The following TRIO variants were observed in gnomAD, a reference collection of about 807,000 sequenced individuals.
TRIO encodes triple functional domain protein.
In TRIO, 58 loss-of-function variants were observed where a neutral mutation model predicts 351.9. The observed-to-expected ratio is 0.16, with a 90% CI of 0.13 to 0.21. The LOEUF (loss-of-function observed/expected upper bound fraction) is 0.21, where lower values mean the gene tolerates loss of function less well. Among genes scored for constraint, TRIO ranks in the 10% least tolerant of loss-of-function variants. TRIO has a pLI of 1.00. For synonymous variants in TRIO, 1,758 were observed against 1,595.7 expected (o/e 1.10, Z -2.42); for missense variants, 3,201 against 4,027.8 (o/e 0.79, Z 5.56).
At chr5:14,372,676 C>T (rs1357525999) in intron 18 of TRIO, among the ~76,000 whole-genome samples, 1 of 152,138 alleles carries the variant, frequency 6.6e-6, no homozygotes, top group Non-Finnish European at 1.5e-5. Flanking sequence ...GCAACTTCTA[C>T]ATATGACTTT....
At chr5:14,277,449 TGCTG>T (rs1735633536) in intron 2 of TRIO, among the ~76,000 whole-genome samples, 1 of 152,250 alleles carries the variant, frequency 6.6e-6, no homozygotes, top group Non-Finnish European at 1.5e-5. Flanking sequence ...CATCCTGTGA[TGCTG>T]GCAGCATTTC....
At chr5:14,493,303 T>C (rs902301355) in intron 49 of TRIO, among the ~76,000 whole-genome samples, 5 of 152,106 alleles carry the variant, frequency 3.3e-5, no homozygotes, top group African/African-American at 9.7e-5. Flanking sequence ...TTTGAAGACA[T>C]TGCCTTTTTT....
In TRIO at chr5:14,488,201, C is replaced by T. The variant is rs1240842058; in HGVS notation, c.7573C>T (p.Arg2525Cys). Residue 2525 changes from arginine (R) to cysteine (C), a missense_variant, in exon 48 of 57, where the codon CGC (arginine) becomes TGC (cysteine). Arg to Cys is a radical substitution (Grantham distance 180). Around this residue, in one of 19 missense-constraint regions of TRIO, gnomAD observed 1,089 missense variants for 954.9 expected, o/e 1.14. Coordinates refer to ENST00000344204, the MANE Select transcript of TRIO (RefSeq NM_007118.4). ...RHAAPGKDTDRMSTCSSASEQ... is the reference protein window; with the variant it reads ...RHAAPGKDTDCMSTCSSASEQ... ...CGCGGCCCCTGGCAAGGATACTGAC[C>T]GCATGAGCACGTGCTCCTCGGCCAG... is the stretch of plus-strand genomic sequence containing the variant. 1.5e-5 allele frequency: 24 copies of T among 1,595,962 alleles called. No individual in the cohort carries two copies. Among genetic ancestry groups the T allele is most frequent in the Non-Finnish European group, 2.0e-5 (24 of 1,177,714 alleles).
chr5:14,245,762 T>A (rs1794401629), intron 1 of TRIO, among the ~76,000 whole-genome samples: 2 of 152,250 alleles, frequency 1.3e-5, no homozygotes, highest in African/African-American at 4.8e-5. Context: ...GCGTAGATAT[T>A]CTGGCCCGTG....
At chr5:14,465,182 A>G (rs1185076243) in intron 36 of TRIO, among the ~76,000 whole-genome samples, 1 of 152,132 alleles carries the variant, frequency 6.6e-6, no homozygotes, top group African/African-American at 2.4e-5. Context: ...GCTGTAGGTC[A>G]GATTCTCTAT....
intron 17 of TRIO, among the ~76,000 whole-genome samples, 176 bp from the exon 18 acceptor site, chr5:14,369,198 C>G (rs1330377851): frequency 6.6e-6 from 1 of 152,202 alleles, no homozygotes; most frequent in Non-Finnish European, 1.5e-5. Context: ...GAAAAGTCTG[C>G]CTGCTTTTGA....
intron 34 of TRIO, among the ~76,000 whole-genome samples, chr5:14,424,958 T>G (rs1750516331): frequency 6.6e-6 from 1 of 152,170 alleles, no homozygotes; most frequent in Non-Finnish European, 1.5e-5. Flanking sequence ...AAATCTGAAG[T>G]ATTCAGATTC....
At chr5:14,257,943 C>T (rs1474878078) in intron 1 of TRIO, among the ~76,000 whole-genome samples, 3 of 152,220 alleles carry the variant, frequency 2.0e-5, no homozygotes, top group African/African-American at 7.2e-5. Context: ...CTACTGTTAG[C>T]ATTTGTTAGT....
chr5:14,390,375 AT>A, intron 26 of TRIO, 75 bp downstream of exon 26: 1 of 1,392,270 alleles, frequency 7.2e-7, no homozygotes, highest in African/African-American at 1.4e-5. Flanking sequence ...GATGGTCTTC[AT>A]TTCCTTTAAG....
chr5:14,366,442 A>G (rs1579442967), intron 15 of TRIO, among the ~76,000 whole-genome samples: 1 of 152,332 alleles, frequency 6.6e-6, no homozygotes, highest in South Asian at 2.1e-4. Context: ...CGTGAAATAA[A>G]TTAGTTCCCC....
chr5:14,388,093 TAA>T, intron 23 of TRIO: 1 of 514,658 alleles, frequency 1.9e-6, no homozygotes. Context: ...GAATTGTCAT[TAA>T]TAGATAGTGA....
intron 1 of TRIO, among the ~76,000 whole-genome samples, chr5:14,199,491 T>C (rs1326305998): frequency 1.3e-5 from 2 of 152,234 alleles, no homozygotes; most frequent in Non-Finnish European, 2.9e-5. Context: ...AAGGATGTGC[T>C]GCCTTCAAAC....
chr5:14,221,642 G>A (rs1230241205), intron 1 of TRIO, among the ~76,000 whole-genome samples: 1 of 152,212 alleles, frequency 6.6e-6, no homozygotes, highest in Non-Finnish European at 1.5e-5. Flanking sequence ...TGGTGGAAAC[G>A]GCAAGAGAAC....
At chr5:14,176,641 G>A (rs760627686) in intron 1 of TRIO, among the ~76,000 whole-genome samples, 1 of 152,062 alleles carries the variant, frequency 6.6e-6, no homozygotes, top group Admixed American at 6.5e-5. Flanking sequence ...TTTTTGTAGC[G>A]GTGGAGTTTC....
At position 14,509,720 on chromosome 5, in the gene TRIO, G is replaced by C. The variant is rs1334930671; in HGVS notation, c.*1298G>C. 3.1e-6 allele frequency: 1 copy of C among 318,222 alleles called. No homozygotes were observed. Among genetic ancestry groups the C allele is most frequent in the African/African-American group, 2.3e-5 (1 of 44,358 alleles). 19.7% of individuals were successfully genotyped at this position (318,222 alleles called of 1,614,324 possible). A position where few individuals can be genotyped will look rare whatever the true frequency, so the allele number is the denominator to read the frequency against. ...GCCCCGCGGCTGGTACCCAATGCCCGAGTCACTGTGGCAGCATTCGCACTG... is the reference window on the plus strand; with the variant it reads ...GCCCCGCGGCTGGTACCCAATGCCCCAGTCACTGTGGCAGCATTCGCACTG... On this transcript the variant is annotated 3_prime_UTR_variant, in exon 57 of 57. Coordinates refer to ENST00000344204, the MANE Select transcript of TRIO (RefSeq NM_007118.4).
intron 1 of TRIO, among the ~76,000 whole-genome samples, chr5:14,151,360 T>C (rs577491961): frequency 7.0e-6 from 1 of 142,642 alleles, no homozygotes; most frequent in Non-Finnish European, 1.5e-5. Context: ...TTGGTGCCTG[T>C]TTTTTCATTG....
intron 4 of TRIO, among the ~76,000 whole-genome samples, chr5:14,290,164 C>T (rs1046291202): frequency 1.3e-5 from 2 of 152,084 alleles, no homozygotes; most frequent in African/African-American, 4.8e-5. Context: ...CTGGTTGGAG[C>T]AGCATTCATC....
At chr5:14,281,424 ACCC>A (rs3061076) in intron 3 of TRIO, among the ~76,000 whole-genome samples, 4,634 of 89,394 alleles carry the variant, frequency 0.052, 520 homozygotes, top group African/African-American at 0.2. Flanking sequence ...AGCCGTTAGA[ACCC>A]CCCCCCCCCG....
At chr5:14,463,903 C>G (rs1259162575) in intron 36 of TRIO, among the ~76,000 whole-genome samples, 3 of 152,172 alleles carry the variant, frequency 2.0e-5, no homozygotes, top group African/African-American at 7.2e-5. Flanking sequence ...CAAGGCAGAC[C>G]TGTCCACCAC....
Sources: gnomAD v4.1 joint callset for allele counts (sites outside exome capture counted in the v4.1 genomes callset) on GRCh38, gnomAD v4.1.1 for gene constraint, gnomAD v4.1.1 regional missense constraint, MANE v1.5 for transcripts, NCBI Gene and HGNC (gene_info 2026-07-23, HGNC 2026-07-21) for gene names.